ANGPT1: variants seen among roughly 807,000 people sequenced by gnomAD.
The protein encoded by ANGPT1 is angiopoietin-1.
Under a neutral mutation model 62.2 loss-of-function variants are expected in ANGPT1, and 17 were observed. That is an observed-to-expected ratio of 0.27 (90% CI 0.19 to 0.41). ANGPT1 has a LOEUF of 0.41. Among genes scored for constraint, ANGPT1 ranks in the 10% least tolerant of loss-of-function variants. The pLI is 1.00. For missense variants in ANGPT1, 478 were observed against 594.9 expected (o/e 0.80, Z 2.04); for synonymous variants, 199 against 198.9 (o/e 1.00, Z 0.00).
At chr8:107,392,797 T>C (rs1406987881) in intron 1 of ANGPT1, among the ~76,000 whole-genome samples, 4 of 152,202 alleles carry the variant, frequency 2.6e-5, no homozygotes, top group Non-Finnish European at 5.9e-5. Flanking sequence ...TGTAATTTTA[T>C]TCATTCCAGA....
At chr8:107,253,788 G>A (rs1261393613) in intron 8 of ANGPT1, among the ~76,000 whole-genome samples, 1 of 152,180 alleles carries the variant, frequency 6.6e-6, no homozygotes, top group African/African-American at 2.4e-5. Flanking sequence ...ACGCTCATTG[G>A]GAAACTTTGG....
intron 1 of ANGPT1, among the ~76,000 whole-genome samples, chr8:107,460,902 T>C (rs994790076): frequency 1.3e-5 from 2 of 152,144 alleles, no homozygotes; most frequent in Admixed American, 6.6e-5. Context: ...CTTCGACCTT[T>C]TGTTAGATTT....
chr8:107,287,046 C>T (rs533026131), intron 6 of ANGPT1, among the ~76,000 whole-genome samples: 6 of 152,222 alleles, frequency 3.9e-5, no homozygotes, highest in South Asian at 2.1e-4. Flanking sequence ...CATTTTTTTG[C>T]AGCTCAGACA....
chr8:107,342,782 TACACACACACACACACACAC>T lies in ANGPT1; in HGVS notation c.453+4140_453+4159del, dbSNP rs751210643. Among the ~76,000 whole-genome samples, 151 of 138,630 alleles carry T rather than the reference TACACACACACACACACACAC, an allele frequency of 1.1e-3. 2 individuals carry two copies. Among genetic ancestry groups the T allele is most frequent in the African/African-American group, 3.6e-3 (134 of 36,754 alleles). The allele number at this position is 138,630 out of a possible 152,430, so 90.9% of individuals were successfully genotyped here. On this transcript the variant is annotated intron_variant, in intron 2 of 8. Coordinates refer to ENST00000517746, the MANE Select transcript of ANGPT1 (RefSeq NM_001146.5). ...AACAAACTGTTCCTGAACTGCCTAA[TACACACACACACACACACAC>T]ACACACACACACACACACACACACA... is the stretch of plus-strand genomic sequence containing the variant.
At position 107,293,988 on chromosome 8, in the gene ANGPT1, T is replaced by C. The variant is rs1338241505; in HGVS notation, c.986A>G (p.His329Arg). The change falls in exon 6 of 9, where the codon CAT becomes CGT. Residue 329 changes from histidine (H) to arginine (R), a missense_variant. Coordinates refer to ENST00000517746, the MANE Select transcript of ANGPT1 (RefSeq NM_001146.5). ...VNGGGWTVIQ[H>R]REDGSLDFQR... ...GAAATCTAGACTTCCATCTTCACGA[T>C]GTTGTATTACAGTCCAACCTCCCCC... is the stretch of plus-strand genomic sequence containing the variant. 1.2e-6 allele frequency: 2 copies of C among 1,613,594 alleles called. No homozygotes were observed. Among genetic ancestry groups the C allele is most frequent in the African/African-American group, 1.3e-5 (1 of 74,902 alleles).
intron 1 of ANGPT1, among the ~76,000 whole-genome samples, chr8:107,372,342 G>A (rs940760481): frequency 1.3e-5 from 2 of 152,130 alleles, no homozygotes; most frequent in South Asian, 2.1e-4. Flanking sequence ...GCAAGTATGT[G>A]TGTGTATTTA....
chr8:107,443,733 C>T (rs1204191403), intron 1 of ANGPT1, among the ~76,000 whole-genome samples: 8 of 150,492 alleles, frequency 5.3e-5, no homozygotes, highest in Non-Finnish European at 1.2e-4. Context: ...GCAGGAGAAT[C>T]GCTTGAACAC....
intron 1 of ANGPT1, among the ~76,000 whole-genome samples, chr8:107,364,979 A>AAT (rs1295982890): frequency 2.6e-5 from 4 of 151,786 alleles, no homozygotes; most frequent in Admixed American, 2.0e-4. Context: ...GGGAAAAAAA[A>AAT]AGACATTCTA....
At chr8:107,335,866 A>C (rs1243203165) in intron 3 of ANGPT1, among the ~76,000 whole-genome samples, 1 of 148,048 alleles carries the variant, frequency 6.8e-6, no homozygotes, top group African/African-American at 2.4e-5. Context: ...ATAGAATCAA[A>C]TTTTTGTAGA....
intron 1 of ANGPT1, among the ~76,000 whole-genome samples, chr8:107,441,851 C>T (rs970295994): frequency 1.2e-4 from 19 of 152,040 alleles, no homozygotes; most frequent in African/African-American, 2.4e-4. Context: ...TTTGGGAGGC[C>T]GAGGTGGGTA....
intron 2 of ANGPT1, among the ~76,000 whole-genome samples, chr8:107,341,188 A>C (rs1393129388): frequency 2.0e-5 from 3 of 152,194 alleles, no homozygotes; most frequent in African/African-American, 7.2e-5. Context: ...ATCCAATAGG[A>C]AGTGACCAGT....
At chr8:107,394,684 C>A (rs1232063523) in intron 1 of ANGPT1, among the ~76,000 whole-genome samples, 1 of 152,164 alleles carries the variant, frequency 6.6e-6, no homozygotes, top group Non-Finnish European at 1.5e-5. Context: ...ATCCACATAT[C>A]CTGAAGTGCA....
intron 1 of ANGPT1, among the ~76,000 whole-genome samples, chr8:107,491,302 G>A (rs1812947590): frequency 6.6e-6 from 1 of 152,096 alleles, no homozygotes; most frequent in South Asian, 2.1e-4. Flanking sequence ...CTAGGTAGAA[G>A]GTATACTGCA....
chr8:107,454,826 G>A (rs1245554842), intron 1 of ANGPT1, among the ~76,000 whole-genome samples: 2 of 151,976 alleles, frequency 1.3e-5, no homozygotes, highest in East Asian at 1.9e-4. Flanking sequence ...CAGTGTTAAA[G>A]GGGTCTGTAA....
chr8:107,414,592 A>C (rs1393578075), intron 1 of ANGPT1, among the ~76,000 whole-genome samples: 1 of 152,170 alleles, frequency 6.6e-6, no homozygotes, highest in African/African-American at 2.4e-5. Context: ...TAAGAAAAAA[A>C]TGAGGGTGAT....
At position 107,452,276 on chromosome 8, in the gene ANGPT1, A is replaced by G. The variant is rs7003159; in HGVS notation, c.297+44986T>C. On this transcript the variant is annotated intron_variant, in intron 1 of 8. Coordinates refer to ENST00000517746, the MANE Select transcript of ANGPT1 (RefSeq NM_001146.5). ...TTAGAGAAAATGTGAGCAATGACAC[A>G]TCCTCATATCCTTTATAATTAGGAT... Among the ~76,000 whole-genome samples the G allele has an allele frequency of 9.6e-3, 1,458 of 151,770 alleles. 25 individuals carry two copies. The highest frequency in any genetic ancestry group is 0.033 in the African/African-American group (1,359 of 41,490).
At chr8:107,380,482 G>A (rs1301558331) in intron 1 of ANGPT1, among the ~76,000 whole-genome samples, 4 of 151,694 alleles carry the variant, frequency 2.6e-5, no homozygotes, top group Admixed American at 1.3e-4. Flanking sequence ...GAAGCTAGAT[G>A]CCATTTTGAC....
intron 6 of ANGPT1, among the ~76,000 whole-genome samples, chr8:107,288,911 C>T (rs2130157257): frequency 6.6e-6 from 1 of 152,064 alleles, no homozygotes; most frequent in African/African-American, 2.4e-5. Context: ...TTTATTTTAC[C>T]CCCAATAGCC....
At chr8:107,391,509 A>G (rs1345710745) in intron 1 of ANGPT1, among the ~76,000 whole-genome samples, 1 of 152,116 alleles carries the variant, frequency 6.6e-6, no homozygotes, top group African/African-American at 2.4e-5. Flanking sequence ...TATACTGACA[A>G]TACAAAAATT....
Sources: gnomAD v4.1 joint callset for allele counts (sites outside exome capture counted in the v4.1 genomes callset) on GRCh38, gnomAD v4.1.1 for gene constraint, MANE v1.5 for transcripts, NCBI Gene and HGNC (gene_info 2026-07-23, HGNC 2026-07-21) for gene names.